SAMD5: variants seen among roughly 807,000 people sequenced by gnomAD.
SAMD5 encodes sterile alpha motif domain containing 5.
In SAMD5, 13 loss-of-function variants were observed where a neutral mutation model predicts 11.3. The ratio of observed to expected loss-of-function variants is 1.15; its 90% confidence interval spans 0.75 to 1.83. SAMD5 has a LOEUF of 1.83. Ranked by LOEUF, SAMD5 falls within the 40% of genes most tolerant of loss-of-function variation. The pLI is 0.00. For synonymous variants in SAMD5, 129 were observed against 111.3 expected, an observed-to-expected ratio of 1.16 and a Z score of -1.00; for missense variants, 255 against 239.1, an observed-to-expected ratio of 1.07 and a Z score of -0.44.
chr6:147,569,408 T>A lies in SAMD5; in HGVS notation c.*4952T>A, dbSNP rs1221733165. On this transcript the variant is annotated 3_prime_UTR_variant, in exon 2 of 2. Coordinates refer to ENST00000367474, the MANE Select transcript of SAMD5 (RefSeq NM_001030060.3). The stretch of plus-strand genomic sequence containing the variant: ...ATTCCATGTTAAGAGCTAAGTAGTA[T>A]TTTTTTCTTAACAATTTTGCCAAAA... 3.1e-6 allele frequency: 3 copies of A among 961,568 alleles called. No homozygotes were observed. In the Admixed American group the frequency reaches 1.9e-4, roughly 59 times the overall value. The allele number at this position is 961,568 out of a possible 1,614,324, so 59.6% of individuals were successfully genotyped here.
At chr6:147,698,892 C>A (rs1791215268) in intron 1 of SAMD5, among the ~76,000 whole-genome samples, 1 of 152,104 alleles carries the variant, frequency 6.6e-6, no homozygotes, top group Non-Finnish European at 1.5e-5. Flanking sequence ...CAGGCAGGGA[C>A]TTTCAGTGGA....
intron 1 of SAMD5, among the ~76,000 whole-genome samples, chr6:147,644,594 T>C (rs1790369158): frequency 6.6e-6 from 1 of 152,198 alleles, no homozygotes; most frequent in African/African-American, 2.4e-5. Flanking sequence ...TCAAAACTTA[T>C]AATTAGAGAG....
rs557082592 is a variant in SAMD5 at position 147,614,299 on chromosome 6, C to T, written c.162+104912C>T. 8.1e-4 allele frequency among the ~76,000 whole-genome samples: 123 copies of T among 151,506 alleles called. 2 individuals are homozygous for T. Among genetic ancestry groups the T allele is most frequent in the Middle Eastern group, 3.4e-3 (1 of 294 alleles). Reference sequence around the variant, plus strand: ...CCTAATCAACATGGTGAAACCCTGTCTCTACTCAAAATACAAAAAATGAGC... The same window carrying T: ...CCTAATCAACATGGTGAAACCCTGTTTCTACTCAAAATACAAAAAATGAGC... On this transcript the variant is annotated intron_variant, in intron 1 of 1. Transcript: ENST00000566741.
chr6:147,661,455 A>C (rs1790647522), intron 1 of SAMD5, among the ~76,000 whole-genome samples: 1 of 152,142 alleles, frequency 6.6e-6, no homozygotes, highest in African/African-American at 2.4e-5. Context: ...GAAGTGTAGG[A>C]GCATCATATG....
chr6:147,519,660 A>G (rs9688849), intron 1 of SAMD5, among the ~76,000 whole-genome samples: 14,701 of 152,134 alleles, frequency 0.097, 849 homozygotes, highest in African/African-American at 0.16. Flanking sequence ...TCTCATGGGG[A>G]AGATGGGGCA....
At chr6:147,671,860 C>T (rs1790799423) in intron 1 of SAMD5, among the ~76,000 whole-genome samples, 1 of 141,116 alleles carries the variant, frequency 7.1e-6, no homozygotes, top group East Asian at 2.1e-4. Flanking sequence ...TTTAATAGGA[C>T]ATGTTTCTTC....
intron 1 of SAMD5, among the ~76,000 whole-genome samples, chr6:147,632,725 T>A (rs1199468039): frequency 6.6e-6 from 1 of 152,242 alleles, no homozygotes; most frequent in African/African-American, 2.4e-5. Context: ...TTTAAAAGTT[T>A]ATGTAAATGT....
intron 1 of SAMD5, among the ~76,000 whole-genome samples, chr6:147,703,063 T>G (rs1216761828): frequency 1.3e-5 from 2 of 152,110 alleles, no homozygotes; most frequent in Non-Finnish European, 2.9e-5. Flanking sequence ...TATACTTCGT[T>G]TTTTTGTTTT....
intron 1 of SAMD5, among the ~76,000 whole-genome samples, chr6:147,733,143 T>C (rs1791741290): frequency 6.6e-6 from 1 of 152,212 alleles, no homozygotes; most frequent in Non-Finnish European, 1.5e-5. Flanking sequence ...TGACAATATT[T>C]TTATTTAAAT....
At chr6:147,877,945 A>AGACAGAGTCT in the SAMD5 span, among the ~76,000 whole-genome samples, 8,515 of 67,378 alleles carry the variant, frequency 0.13, 1,004 homozygotes, top group East Asian at 0.19. Flanking sequence ...ATAGATAGAT[A>AGACAGAGTCT]GACTCTGTCA....
the SAMD5 span, among the ~76,000 whole-genome samples, chr6:147,777,170 C>T: frequency 6.6e-6 from 1 of 151,970 alleles, no homozygotes; most frequent in Admixed American, 6.6e-5. Context: ...CTCTCTCTCT[C>T]ATTTTTTCTC....
downstream of SAMD5, among the ~76,000 whole-genome samples, chr6:147,740,227 T>A (rs1791860597): frequency 6.6e-6 from 1 of 152,232 alleles, no homozygotes; most frequent in Non-Finnish European, 1.5e-5. Flanking sequence ...CATGCAACGC[T>A]GCCTCTTTAA....
the SAMD5 span, among the ~76,000 whole-genome samples, chr6:147,769,195 C>A: frequency 1.2e-4 from 19 of 152,318 alleles, 1 homozygote; most frequent in African/African-American, 4.3e-4. Flanking sequence ...CTGTGCCTGG[C>A]CCTTTGTAGG....
At position 147,567,590 on chromosome 6, in the gene SAMD5, A is replaced by T; in HGVS notation, c.*3134A>T. 1.1e-6 allele frequency: 1 copy of T among 936,856 alleles called. No individual in the cohort carries two copies. Among genetic ancestry groups the T allele is most frequent in the African/African-American group, 1.8e-5 (1 of 56,302 alleles). The allele number at this position is 936,856 out of a possible 1,614,324, so 58.0% of individuals were successfully genotyped here. A position where few individuals can be genotyped will look rare whatever the true frequency, so the allele number is the denominator to read the frequency against. On this transcript the variant is annotated 3_prime_UTR_variant, in exon 2 of 2. Transcript: ENST00000367474. ...GAGGCTTAAGAGTTCTATGGCTTAC[A>T]CCCACATACAGTCCTTGGCTCAGTG...
At chr6:147,828,437 A>G in the SAMD5 span, among the ~76,000 whole-genome samples, 1 of 152,178 alleles carries the variant, frequency 6.6e-6, no homozygotes. Context: ...ATTAATTAAC[A>G]TTTGAGTCAG....
chr6:147,572,666 G>A (rs1251569167), downstream of SAMD5, among the ~76,000 whole-genome samples: 1 of 151,984 alleles, frequency 6.6e-6, no homozygotes, highest in Admixed American at 6.5e-5. Flanking sequence ...TTATGAGAGG[G>A]ATATATGCAA....
Position 147,564,533 on chromosome 6 carries a change from C to A in SAMD5, c.*77C>A. 1.0e-6 allele frequency: 1 copy of A among 1,002,444 alleles called. No homozygotes were observed. Among genetic ancestry groups the A allele is most frequent in the Non-Finnish European group, 1.6e-6 (1 of 639,416 alleles). The allele number at this position is 1,002,444 out of a possible 1,614,324, so 62.1% of individuals were successfully genotyped here. A position where few individuals can be genotyped will look rare whatever the true frequency, so the allele number is the denominator to read the frequency against. On this transcript the variant is annotated 3_prime_UTR_variant, in exon 2 of 2. Coordinates refer to ENST00000367474, the MANE Select transcript of SAMD5 (RefSeq NM_001030060.3). ...AAAGGGCATATTTAGAACCTTCTTT[C>A]AAAAAGGGAAATGGATGATGACCCT... is the stretch of plus-strand genomic sequence containing the variant.
At position 147,631,318 on chromosome 6, in the gene SAMD5, T is replaced by G. The variant is rs189734508; in HGVS notation, c.163-105999T>G. ...CTAAGAATTGGGAGGACCCAGGACATCCAATTAGAGAGTGCCCAAGGGGGT... is the reference window on the plus strand; with the variant it reads ...CTAAGAATTGGGAGGACCCAGGACAGCCAATTAGAGAGTGCCCAAGGGGGT... On this transcript the variant is annotated intron_variant, in intron 1 of 1. Coordinates refer to the SAMD5 transcript ENST00000566741. Among the ~76,000 whole-genome samples, 852 of 152,248 alleles carry G rather than the reference T, an allele frequency of 5.6e-3. 1 individual carries two copies. Among genetic ancestry groups the G allele is most frequent in the Middle Eastern group, 0.02 (6 of 294 alleles).
chr6:147,514,680 G>C (rs1239897190), intron 1 of SAMD5, among the ~76,000 whole-genome samples: 1 of 152,030 alleles, frequency 6.6e-6, no homozygotes, highest in East Asian at 1.9e-4. Context: ...GCAGGCTCTA[G>C]GGTAAATAGT....
Sources: allele counts gnomAD v4.1 joint callset (sites outside exome capture counted in the v4.1 genomes callset), GRCh38; gene constraint gnomAD v4.1.1; transcripts MANE v1.5; gene names NCBI Gene and HGNC (gene_info 2026-07-23, HGNC 2026-07-21).